Variants in TSHZ2 observed in about 807,000 individuals in gnomAD.
The protein encoded by TSHZ2 is teashirt homolog 2.
TSHZ2 carries 21 observed loss-of-function variants against 74.4 expected under a neutral mutation model. That is an observed-to-expected ratio of 0.28 (90% CI 0.20 to 0.41). TSHZ2 has a LOEUF of 0.41. TSHZ2 is among the 10% of genes least tolerant of loss of function. TSHZ2 has a pLI of 1.00. For synonymous variants in TSHZ2, 540 were observed against 515.3 expected (o/e 1.05, Z -0.65); for missense variants, 1,244 against 1,293.5 (o/e 0.96, Z 0.59).
rs2145256 is a variant in TSHZ2 at position 52,975,138 on chromosome 20, G to T, written c.40+1805G>T. On this transcript the variant is annotated intron_variant, in intron 1 of 2. Transcript: ENST00000371497. ...AGTGAGCCTGCTGCATCTAGTTCTGGCAACATAAGTTTAAGTGTAGCTACA... is the reference window on the plus strand; with the variant it reads ...AGTGAGCCTGCTGCATCTAGTTCTGTCAACATAAGTTTAAGTGTAGCTACA... 7.8e-3 allele frequency among the ~76,000 whole-genome samples: 1,192 copies of T among 152,180 alleles called. 3 individuals carry two copies. The highest frequency in any genetic ancestry group is 0.017 in the Middle Eastern group (5 of 294).
At chr20:53,167,336 A>G (rs1988086558) in intron 1 of TSHZ2, among the ~76,000 whole-genome samples, 1 of 152,256 alleles carries the variant, frequency 6.6e-6, no homozygotes. Context: ...TCTGATCTTC[A>G]CACCAACCAT....
intron 1 of TSHZ2, among the ~76,000 whole-genome samples, chr20:53,061,682 A>G (rs979538078): frequency 6.6e-6 from 1 of 152,168 alleles, no homozygotes; most frequent in African/African-American, 2.4e-5. Flanking sequence ...CTCAACTTAA[A>G]ACATCATCCA....
intron 1 of TSHZ2, among the ~76,000 whole-genome samples, chr20:53,019,489 C>A (rs972317491): frequency 6.6e-6 from 1 of 152,016 alleles, no homozygotes; most frequent in African/African-American, 2.4e-5. Context: ...CAGTTTCTTA[C>A]TGAGGAAAGG....
chr20:53,070,264 A>G (rs113340932), intron 1 of TSHZ2, among the ~76,000 whole-genome samples: 22 of 152,314 alleles, frequency 1.4e-4, no homozygotes, highest in African/African-American at 5.3e-4. Context: ...TTATAACCAT[A>G]TATGCATTAC....
chr20:53,416,440 G>A (rs1174934891), intron 2 of TSHZ2, among the ~76,000 whole-genome samples: 1 of 152,190 alleles, frequency 6.6e-6, no homozygotes, highest in Admixed American at 6.5e-5. Context: ...CTGTGAGCTT[G>A]AGAGCTAGTT....
rs201966038 is a variant in TSHZ2 at position 53,253,974 on chromosome 20, T to A, written c.516T>A (p.Ala172=). ...NKSDFDWHQD[A]LSKSLQQNLP... is the part of the protein sequence containing the mutation. ...GTGATTTTGATTGGCACCAAGACGC[T>A]CTGTCCAAAAGCCTGCAGCAGAACT... is the stretch of plus-strand genomic sequence containing the variant. The change falls in exon 2 of 3, where the codon GCT becomes GCA. Residue 172 remains alanine, a synonymous_variant. Transcript: ENST00000371497. 6.2e-7 allele frequency: 1 copy of A among 1,614,070 alleles called. No homozygotes were observed. The highest frequency in any genetic ancestry group is 1.1e-5 in the South Asian group (1 of 91,044).
chr20:53,286,158 C>T (rs941297605), intron 2 of TSHZ2, among the ~76,000 whole-genome samples: 4 of 152,170 alleles, frequency 2.6e-5, no homozygotes, highest in Non-Finnish European at 5.9e-5. Flanking sequence ...TTCTTGTTTA[C>T]ATGTGTTTTA....
intron 2 of TSHZ2, among the ~76,000 whole-genome samples, chr20:53,305,504 T>G (rs902752090): frequency 3.9e-5 from 6 of 152,166 alleles, no homozygotes; most frequent in African/African-American, 1.4e-4. Context: ...AGTGAATGAC[T>G]GGACTTATAA....
intron 1 of TSHZ2, among the ~76,000 whole-genome samples, chr20:53,054,828 T>C (rs1257155873): frequency 1.3e-5 from 2 of 152,148 alleles, no homozygotes; most frequent in Non-Finnish European, 2.9e-5. Context: ...TATACAGCTT[T>C]TAAAACTTCA....
At position 53,255,076 on chromosome 20, in the gene TSHZ2, G is replaced by C; in HGVS notation, c.1618G>C (p.Ala540Pro). Reference protein sequence around the residue: ...KAQNGAPSWSAYPSIHAAYQL... With the variant: ...KAQNGAPSWSPYPSIHAAYQL... ...CCAAAACGGGGCCCCCAGCTGGAGT[G>C]CCTACCCCAGCATCCACGCAGCCTA... Residue 540 changes from alanine (A) to proline (P), a missense_variant, in exon 2 of 3, where the codon GCC (alanine) becomes CCC (proline). Ala to Pro is a conservative substitution (Grantham distance 27, BLOSUM62 -1). This residue lies in a region of TSHZ2 where 562 missense variants were observed against 544.0 expected (regional missense o/e 1.03). Coordinates refer to ENST00000371497, the MANE Select transcript of TSHZ2 (RefSeq NM_173485.6). The surrounding 1 kb of genome is among the most constrained non-coding windows in gnomAD (Gnocchi z 4.1). The C allele has an allele frequency of 6.2e-7, 1 of 1,614,142 alleles. No individual in the cohort carries two copies. Among genetic ancestry groups the C allele is most frequent in the Non-Finnish European group, 8.5e-7 (1 of 1,180,030 alleles).
intron 2 of TSHZ2, among the ~76,000 whole-genome samples, chr20:53,282,499 AC>A (rs1991083406): frequency 6.6e-6 from 1 of 152,038 alleles, no homozygotes; most frequent in Non-Finnish European, 1.5e-5. Flanking sequence ...TAGCGATATT[AC>A]CCCCATTTTA....
chr20:53,467,040 G>A (rs6022496), intron 2 of TSHZ2, among the ~76,000 whole-genome samples: 2 of 152,108 alleles, frequency 1.3e-5, no homozygotes, highest in South Asian at 2.1e-4. Flanking sequence ...GCCAATCCAA[G>A]GCTCTCTCTT....
intron 1 of TSHZ2, among the ~76,000 whole-genome samples, chr20:53,235,508 C>A (rs1266293236): frequency 6.6e-6 from 1 of 152,124 alleles, no homozygotes; most frequent in Admixed American, 6.5e-5. Context: ...CAGTGTGTAC[C>A]AGAAAGCCAC....
chr20:53,226,985 G>A (rs541906621), intron 1 of TSHZ2, among the ~76,000 whole-genome samples: 5 of 152,270 alleles, frequency 3.3e-5, no homozygotes, highest in South Asian at 2.1e-4. Flanking sequence ...TTGTGGTCAC[G>A]GAAGTATCAG....
intron 1 of TSHZ2, among the ~76,000 whole-genome samples, chr20:52,980,659 A>C (rs772169680): frequency 6.6e-5 from 10 of 152,334 alleles, no homozygotes; most frequent in Non-Finnish European, 1.2e-4. Context: ...GGGCAGAATG[A>C]GATAAAAACA....
At chr20:53,242,726 G>A (rs911333477) in intron 1 of TSHZ2, among the ~76,000 whole-genome samples, 15 of 152,300 alleles carry the variant, frequency 9.8e-5, no homozygotes, top group Admixed American at 3.3e-4. Context: ...TGGCTTGAAA[G>A]CAAATTGGGA....
At chr20:53,374,648 G>C (rs950728339) in intron 2 of TSHZ2, among the ~76,000 whole-genome samples, 2 of 152,046 alleles carry the variant, frequency 1.3e-5, no homozygotes, top group Non-Finnish European at 2.9e-5. Flanking sequence ...ACCAGAATCT[G>C]TTTTTGTTTT....
intron 2 of TSHZ2, among the ~76,000 whole-genome samples, chr20:53,343,990 C>T (rs763461652): frequency 5.3e-5 from 8 of 152,216 alleles, no homozygotes; most frequent in Non-Finnish European, 1.2e-4. Flanking sequence ...TCTCACAGCT[C>T]TGGAGTATTT....
intron 1 of TSHZ2, among the ~76,000 whole-genome samples, chr20:53,249,652 C>T (rs572815451): frequency 1.3e-5 from 2 of 152,224 alleles, no homozygotes; most frequent in Non-Finnish European, 1.5e-5. Context: ...AGGCAGAAAG[C>T]CTCAGTCAGG....
Sources: allele counts gnomAD v4.1 joint callset (sites outside exome capture counted in the v4.1 genomes callset), GRCh38; gene constraint gnomAD v4.1.1; regional missense constraint gnomAD v4.1.1; non-coding constraint Gnocchi (gnomAD v3.1); transcripts MANE v1.5; gene names NCBI Gene and HGNC (gene_info 2026-07-23, HGNC 2026-07-21).